PIK3C2G: variants seen among roughly 807,000 people sequenced by gnomAD.
PIK3C2G encodes phosphatidylinositol 3-kinase C2 domain-containing subunit gamma.
Under a neutral mutation model 181.1 loss-of-function variants are expected in PIK3C2G, and 168 were observed. That is an observed-to-expected ratio of 0.93 (90% confidence interval 0.82 to 1.05). The LOEUF (loss-of-function observed/expected upper bound fraction) is 1.05, where lower values mean the gene tolerates loss of function less well. PIK3C2G is among the 50% of genes least tolerant of loss of function. The probability of loss-of-function intolerance (pLI) is 0.00; values close to 1 mark genes in which losing one functional copy is unlikely to be tolerated. For missense variants in PIK3C2G, 1,869 were observed against 1,732.8 expected (o/e 1.08, Z -1.40); for synonymous variants, 573 against 592.2 (o/e 0.97, Z 0.47).
intron 32 of PIK3C2G, among the ~76,000 whole-genome samples, chr12:18,642,234 T>C (rs1401878532): frequency 6.6e-6 from 1 of 152,228 alleles, no homozygotes; most frequent in Admixed American, 6.5e-5. Flanking sequence ...AAAAGTTGTA[T>C]AGCTTTACAT....
chr12:18,601,787 A>C (rs916027247), intron 30 of PIK3C2G, among the ~76,000 whole-genome samples: 1 of 152,176 alleles, frequency 6.6e-6, no homozygotes, highest in Non-Finnish European at 1.5e-5. Context: ...AAAAAGAACA[A>C]AGCCAGAAGC....
At chr12:18,705,077 T>C in the PIK3C2G span, 1 of 1,495,846 alleles carries the variant, frequency 6.7e-7, no homozygotes, top group Non-Finnish European at 9.3e-7. Context: ...TTTTCATTGG[T>C]CTCTAGCCCA....
At chr12:18,321,188 T>C (rs982345769) in intron 7 of PIK3C2G, among the ~76,000 whole-genome samples, 156 bp downstream of exon 7, 1 of 152,210 alleles carries the variant, frequency 6.6e-6, no homozygotes, top group Non-Finnish European at 1.5e-5. Context: ...TAATTATCCA[T>C]TCTTCAAAGT....
chr12:18,668,640 A>T, the PIK3C2G span, among the ~76,000 whole-genome samples: 1 of 152,036 alleles, frequency 6.6e-6, no homozygotes, highest in Non-Finnish European at 1.5e-5. Context: ...TCATAGCACA[A>T]CTCATCTCCC....
intron 24 of PIK3C2G, among the ~76,000 whole-genome samples, chr12:18,515,178 C>T (rs946302024): frequency 2.6e-5 from 4 of 151,594 alleles, no homozygotes; most frequent in Admixed American, 1.3e-4. Context: ...CTCATCAGAC[C>T]TGTGGTTTTC....
At chr12:18,605,618 T>C (rs1947976316) in intron 30 of PIK3C2G, among the ~76,000 whole-genome samples, 1 of 152,050 alleles carries the variant, frequency 6.6e-6, no homozygotes, top group Non-Finnish European at 1.5e-5. Flanking sequence ...ATGAACACAG[T>C]CATCCTTAAA....
At chr12:18,334,798 G>A (rs1006231684) in intron 8 of PIK3C2G, among the ~76,000 whole-genome samples, 20 of 151,944 alleles carry the variant, frequency 1.3e-4, no homozygotes, top group Non-Finnish European at 2.9e-4. Flanking sequence ...GCCATCATAG[G>A]GTTTGTAAAT....
chr12:18,491,039 AGTG>A (rs1940522511), intron 19 of PIK3C2G, among the ~76,000 whole-genome samples: 1 of 152,094 alleles, frequency 6.6e-6, no homozygotes, highest in African/African-American at 2.4e-5. Context: ...TATACTATTG[AGTG>A]TAATTTTGAG....
intron 31 of PIK3C2G, among the ~76,000 whole-genome samples, chr12:18,614,037 T>C (rs1040093204): frequency 3.3e-5 from 5 of 152,098 alleles, no homozygotes; most frequent in African/African-American, 9.7e-5. Flanking sequence ...TTTTTTGTTG[T>C]TTTTTAAAAT....
chr12:18,357,361 A>G (rs1940837405), intron 11 of PIK3C2G, among the ~76,000 whole-genome samples: 1 of 152,114 alleles, frequency 6.6e-6, no homozygotes, highest in African/African-American at 2.4e-5. Flanking sequence ...CATGTTTTAC[A>G]TTTAAGTTAA....
intron 16 of PIK3C2G, among the ~76,000 whole-genome samples, chr12:18,415,835 T>C (rs1487712906): frequency 2.6e-5 from 4 of 152,184 alleles, no homozygotes; most frequent in Non-Finnish European, 4.4e-5. Context: ...CAACATTCTC[T>C]GAAGCCAAAG....
intron 1 of PIK3C2G, among the ~76,000 whole-genome samples, chr12:18,274,505 G>C (rs1341767444): frequency 1.3e-5 from 2 of 152,156 alleles, no homozygotes; most frequent in African/African-American, 4.8e-5. Flanking sequence ...CCTTTGTAGG[G>C]ACATGGATGA....
At chr12:18,700,512 C>CAAAAAAAAAAAAAAAAAAAAAAAAA in the PIK3C2G span, among the ~76,000 whole-genome samples, 2 of 67,896 alleles carry the variant, frequency 2.9e-5, 1 homozygote, top group Non-Finnish European at 5.0e-5. Flanking sequence ...AGCCAACGTA[C>CAAAAAAAAAAAAAAAAAAAAAAAAA]AAAAAAAAAA....
chr12:18,570,415 G>T lies in PIK3C2G; in HGVS notation c.4011+3358G>T, dbSNP rs1945870091. 1.3e-5 allele frequency among the ~76,000 whole-genome samples: 2 copies of T among 149,788 alleles called. 1 individual carries two copies. The highest frequency in any genetic ancestry group is 1.3e-4 in the Admixed American group (2 of 15,094). ...ATAGAGACGGGGTTTTGCCATGTTA[G>T]CCAGGCTGGTCTTGAACTCCTGACC... On this transcript the variant is annotated intron_variant, in intron 29 of 32. Coordinates refer to ENST00000538779, the MANE Select transcript of PIK3C2G (RefSeq NM_001288772.2).
intron 5 of PIK3C2G, among the ~76,000 whole-genome samples, chr12:18,313,355 T>C (rs1339672166): frequency 6.6e-6 from 1 of 152,188 alleles, no homozygotes; most frequent in Non-Finnish European, 1.5e-5. Flanking sequence ...AATTCTTTTG[T>C]TTATTCTGCT....
intron 18 of PIK3C2G, among the ~76,000 whole-genome samples, chr12:18,448,196 A>G (rs2135869851): frequency 6.6e-6 from 1 of 151,674 alleles, no homozygotes; most frequent in East Asian, 1.9e-4. Context: ...CCTCTCTCTT[A>G]CTCTTTTTAA....
At chr12:18,395,238 A>G (rs1427791803) in intron 15 of PIK3C2G, among the ~76,000 whole-genome samples, 1 of 151,300 alleles carries the variant, frequency 6.6e-6, no homozygotes, top group Non-Finnish European at 1.5e-5. Context: ...GAAACATCAG[A>G]TAAAATAAAC....
the PIK3C2G span, chr12:18,684,005 A>C: frequency 8.8e-7 from 1 of 1,132,440 alleles, no homozygotes; most frequent in South Asian, 1.4e-5. Flanking sequence ...AATATGTGTC[A>C]ATACATAAAA....
chr12:18,409,390 C>T (rs959008669), intron 16 of PIK3C2G, among the ~76,000 whole-genome samples: 3 of 151,866 alleles, frequency 2.0e-5, no homozygotes, highest in African/African-American at 7.3e-5. Flanking sequence ...CACACCAGGA[C>T]CTGTTGGGGA....
Sources: allele counts gnomAD v4.1 joint callset (sites outside exome capture counted in the v4.1 genomes callset), GRCh38; gene constraint gnomAD v4.1.1; transcripts MANE v1.5; gene names NCBI Gene and HGNC (gene_info 2026-07-23, HGNC 2026-07-21).